The following NUMBL variants were observed in gnomAD, a reference collection of about 807,000 sequenced individuals.
The protein encoded by NUMBL is numb-like protein.
Under a neutral mutation model 48.9 loss-of-function variants are expected in NUMBL, and 20 were observed. The ratio of observed to expected loss-of-function variants is 0.41; its 90% confidence interval spans 0.29 to 0.59. NUMBL has a LOEUF of 0.59. NUMBL is among the 20% of genes least tolerant of loss of function. NUMBL has a pLI of 0.31. For synonymous variants in NUMBL, 340 were observed against 348.7 expected (o/e 0.98, Z 0.28); for missense variants, 660 against 846.2 (o/e 0.78, Z 2.73).
chr19:40,667,853 G>A lies in NUMBL; in HGVS notation c.1445C>T (p.Pro482Leu), dbSNP rs776887087. Residue 482 changes from proline to leucine, a missense_variant, in exon 10 of 10, where the codon CCA becomes CTA. Around this residue, in one of 3 missense-constraint regions of NUMBL, gnomAD observed 296 missense variants for 339.7 expected, o/e 0.87. Coordinates refer to ENST00000252891, the MANE Select transcript of NUMBL (RefSeq NM_004756.5). The surrounding 1 kb of genome is among the most constrained non-coding windows in gnomAD (Gnocchi z 6.1). ...AAAAGGGGGCTGCATGTGTGGGGGT[G>A]GCAGGAACACGGCCACTTGGGCAGG... ...AAPAQVAVFL[P>L]PPHMQPPFVP... 6 of 1,590,964 alleles carry A rather than the reference G, an allele frequency of 3.8e-6. No individual in the cohort carries two copies. The South Asian group carries it at 5.7e-5, about 15-fold the overall frequency.
At chr19:40,684,375 C>T in intron 3 of NUMBL, 42 bp downstream of exon 3, 1 of 1,531,104 alleles carries the variant, frequency 6.5e-7, no homozygotes, top group South Asian at 1.2e-5. Flanking sequence ...CACAGCGGCC[C>T]CCGTCCCCCT....
chr19:40,686,821 C>T, intron 2 of NUMBL, 90 bp downstream of exon 2: 1 of 814,622 alleles, frequency 1.2e-6, no homozygotes, highest in Non-Finnish European at 2.0e-6. Context: ...TGTGATTAAG[C>T]CTGTGTGACC....
chr19:40,690,112 G>A (rs1045871016), intron 1 of NUMBL: 4 of 224,868 alleles, frequency 1.8e-5, no homozygotes, highest in Admixed American at 5.8e-5. Flanking sequence ...GCGTCCTGGA[G>A]GCCTTGGTTT....
intron 7 of NUMBL, among the ~76,000 whole-genome samples, chr19:40,675,397 T>C (rs999115848): frequency 5.9e-5 from 9 of 152,006 alleles, no homozygotes; most frequent in African/African-American, 2.2e-4. Context: ...TATTAATACC[T>C]GTTAAACCTC....
chr19:40,684,098 C>A, intron 3 of NUMBL: 1 of 147,920 alleles, frequency 6.8e-6, no homozygotes. Context: ...GAAACAGAGT[C>A]TGCTCTGTCG....
At chr19:40,683,692 G>A (rs2081917579) in intron 3 of NUMBL, among the ~76,000 whole-genome samples, 1 of 152,196 alleles carries the variant, frequency 6.6e-6, no homozygotes, top group Admixed American at 6.5e-5. Context: ...AAACCAGAAC[G>A]TCCTTATCGG....
At chr19:40,671,772 A>G (rs1046369000) in intron 8 of NUMBL, among the ~76,000 whole-genome samples, 1 of 152,172 alleles carries the variant, frequency 6.6e-6, no homozygotes, top group African/African-American at 2.4e-5. Context: ...GCCAGACCAC[A>G]TGGGTTCACT....
At chr19:40,668,273 T>C in intron 9 of NUMBL, 135 bp from the exon 10 acceptor site, 1 of 1,411,146 alleles carries the variant, frequency 7.1e-7, no homozygotes, top group Non-Finnish European at 9.4e-7. Context: ...ATCCCAGCTC[T>C]GCACCTCCCG....
intron 2 of NUMBL, 91 bp downstream of exon 2, chr19:40,686,820 G>A: frequency 1.2e-6 from 1 of 806,134 alleles, no homozygotes; most frequent in Non-Finnish European, 2.1e-6. Flanking sequence ...GTGTGATTAA[G>A]CCTGTGTGAC....
Position 40,669,633 on chromosome 19 carries a change from C to T in NUMBL, c.1159+265G>A, listed in dbSNP as rs146650912. Reference sequence around the variant, plus strand: ...TGATTGCATGATTCTCAGGTAATCCCGTGGCTCTAAGATGATCCATGGATC... The same window carrying T: ...TGATTGCATGATTCTCAGGTAATCCTGTGGCTCTAAGATGATCCATGGATC... On this transcript the variant is annotated intron_variant, in intron 9 of 9. Coordinates refer to ENST00000252891, the MANE Select transcript of NUMBL (RefSeq NM_004756.5). Among the ~76,000 whole-genome samples the T allele has an allele frequency of 2.3e-3, 343 of 151,812 alleles. 3 individuals are homozygous for T. The highest frequency in any genetic ancestry group is 7.8e-3 in the African/African-American group (324 of 41,386).
rs568084307 is a variant in NUMBL at position 40,677,331 on chromosome 19, C to T, written c.631G>A (p.Ala211Thr). 2.4e-5 allele frequency: 38 copies of T among 1,611,956 alleles called. No homozygotes were observed. Among genetic ancestry groups the T allele is most frequent in the South Asian group, 1.9e-4 (17 of 91,026 alleles). ...RREKECGVTAAFDASRTSFAR... is the reference protein window; with the variant it reads ...RREKECGVTATFDASRTSFAR... ...AAGCTGGTGCGGCTGGCATCGAAGG[C>T]GGCCGTGACCCCACATTCCTTCTCC... The change falls in exon 7 of 10, where the codon GCC becomes ACC. Residue 211 changes from alanine to threonine, a missense_variant. Ala to Thr is a moderately conservative substitution (Grantham distance 58). Transcript: ENST00000252891.
In NUMBL at chr19:40,677,301, G is replaced by A. The variant is rs1246510478; in HGVS notation, c.661C>T (p.Arg221Cys). Residue 221 changes from arginine to cysteine, a missense_variant, in exon 7 of 10, where the codon CGC (arginine) becomes TGC (cysteine). Coordinates refer to ENST00000252891, the MANE Select transcript of NUMBL (RefSeq NM_004756.5). ...AFDASRTSFA[R>C]EGSFRLSGGG... is the part of the protein sequence containing the mutation. Reference sequence around the variant, plus strand: ...CCAGACAGGCGGAAGGAGCCCTCGCGGGCGAAGCTGGTGCGGCTGGCATCG... The same window carrying A: ...CCAGACAGGCGGAAGGAGCCCTCGCAGGCGAAGCTGGTGCGGCTGGCATCG... 4 of 1,610,460 alleles carry A rather than the reference G, an allele frequency of 2.5e-6. No homozygotes were observed. The highest frequency in any genetic ancestry group is 2.2e-5 in the East Asian group (1 of 44,788).
rs774567793 is a variant in NUMBL, at chr19:40,668,124, C to A, written c.1174G>T (p.Gly392Cys). 5 of 1,599,724 alleles carry A rather than the reference C, an allele frequency of 3.1e-6. No individual in the cohort carries two copies. Among genetic ancestry groups the A allele is most frequent in the Middle Eastern group, 3.8e-4 (2 of 5,290 alleles). ...GCTGCAGGGGGCACGGAGGGCTCACCCCAGGCAGAAGTCCCTGGAGAGAGG... is the reference window on the plus strand; with the variant it reads ...GCTGCAGGGGGCACGGAGGGCTCACACCAGGCAGAAGTCCCTGGAGAGAGG... The part of the protein sequence containing the change: ...PPATTGTSAW[G>C]EPSVPPAAAF... The change falls in exon 10 of 10, where the codon GGT becomes TGT. Residue 392 changes from glycine to cysteine, a missense_variant. By Grantham distance (159) the Gly-to-Cys change is radical. Transcript: ENST00000252891.
intron 9 of NUMBL, 82 bp downstream of exon 9, chr19:40,669,816 G>A: frequency 6.5e-7 from 1 of 1,535,812 alleles, no homozygotes; most frequent in Non-Finnish European, 8.8e-7. Flanking sequence ...AAGACCCCTG[G>A]AGTGTCTGGG....
chr19:40,672,631 C>T (rs1250556949), intron 8 of NUMBL, among the ~76,000 whole-genome samples: 1 of 152,258 alleles, frequency 6.6e-6, no homozygotes, highest in Non-Finnish European at 1.5e-5. Flanking sequence ...ACTCTTGCTA[C>T]TCTTTCTTCT....
In NUMBL at chr19:40,688,540, C is replaced by T. The variant is rs775040196; in HGVS notation, c.25-1545G>A. ...CATCACCAAATCACACATTCTAACA[C>T]AGGTAGTCCAGCACATACACACAGA... On this transcript the variant is annotated intron_variant, in intron 1 of 9. Transcript: ENST00000252891. This position sits in a 1 kb window ranked among gnomAD's most constrained non-coding sequence, Gnocchi z 4.6. Among the ~76,000 whole-genome samples the T allele has an allele frequency of 6.6e-6, 1 of 152,186 alleles. No homozygotes were observed. The highest frequency in any genetic ancestry group is 1.5e-5 in the Non-Finnish European group (1 of 68,048).
chr19:40,673,508 G>C lies in NUMBL; in HGVS notation c.872C>G (p.Pro291Arg). Reference protein sequence around the residue: ...VAAGTTAAAIPRRHAPLEQLV... With the variant: ...VAAGTTAAAIRRRHAPLEQLV... ...CTGCTCCAGGGGTGCATGGCGCCGGGGGATGGCGGCCGCAGTGGTGCCTGC... is the reference window on the plus strand; with the variant it reads ...CTGCTCCAGGGGTGCATGGCGCCGGCGGATGGCGGCCGCAGTGGTGCCTGC... Residue 291 changes from proline (P) to arginine (R), a missense_variant, in exon 8 of 10, where the codon CCC becomes CGC. By Grantham distance (103) the Pro-to-Arg change is moderately radical (BLOSUM62 -2). Around this residue, in one of 3 missense-constraint regions of NUMBL, gnomAD observed 278 missense variants for 420.6 expected, o/e 0.66. Coordinates refer to ENST00000252891, the MANE Select transcript of NUMBL (RefSeq NM_004756.5). The surrounding 1 kb of genome is among the most constrained non-coding windows in gnomAD (Gnocchi z 5.9). 1 of 1,575,928 alleles carries C rather than the reference G, an allele frequency of 6.3e-7. No individual in the cohort carries two copies. Among genetic ancestry groups the C allele is most frequent in the Non-Finnish European group, 8.6e-7 (1 of 1,161,108 alleles).
Position 40,669,957 on chromosome 19 carries a change from A to G in NUMBL, c.1100T>C (p.Ile367Thr). Residue 367 changes from isoleucine to threonine, a missense_variant, in exon 9 of 10, where the codon ATC (isoleucine) becomes ACC (threonine). Coordinates refer to ENST00000252891, the MANE Select transcript of NUMBL (RefSeq NM_004756.5). ...SDSINALCTQ[I>T]SSSFASAGAP... ...TCCAGCACTGGCAAAAGATGAACTG[A>G]TCTGTGTGCACAGAGCGTTGATGCT... The G allele has an allele frequency of 6.2e-7, 1 of 1,614,020 alleles. No homozygotes were observed. The highest frequency in any genetic ancestry group is 1.1e-5 in the South Asian group (1 of 91,060).
chr19:40,677,092 G>A, intron 7 of NUMBL, 140 bp downstream of exon 7: 1 of 900,574 alleles, frequency 1.1e-6, no homozygotes, highest in Non-Finnish European at 1.7e-6. Flanking sequence ...GGGATTACAG[G>A]TGTGAACCAT....
Sources: allele counts gnomAD v4.1 joint callset (sites outside exome capture counted in the v4.1 genomes callset), GRCh38; gene constraint gnomAD v4.1.1; regional missense constraint gnomAD v4.1.1; non-coding constraint Gnocchi (gnomAD v3.1); transcripts MANE v1.5; gene names NCBI Gene and HGNC (gene_info 2026-07-23, HGNC 2026-07-21).